Variants in BCO1 observed in about 807,000 individuals in gnomAD.
The protein encoded by BCO1 is beta,beta-carotene 15,15'-dioxygenase.
In BCO1, 54 loss-of-function variants were observed where a neutral mutation model predicts 56.3. The observed-to-expected ratio is 0.96, with a 90% CI of 0.77 to 1.20. The LOEUF (loss-of-function observed/expected upper bound fraction) is 1.20. BCO1 is among the 50% of genes most tolerant of loss of function. The pLI, the probability that BCO1 is intolerant of heterozygous loss-of-function variation, is 0.00. For missense variants in BCO1, 801 were observed against 690.9 expected (o/e 1.16, Z -1.79); for synonymous variants, 318 against 266.1 (o/e 1.20, Z -1.90).
chr16:81,290,655 G>A lies in BCO1; in HGVS notation c.*78G>A, dbSNP rs1347482195. The A allele has an allele frequency of 1.6e-6, 2 of 1,222,252 alleles. No individual in the cohort carries two copies. The highest frequency in any genetic ancestry group is 1.5e-5 in the African/African-American group (1 of 66,914). 75.7% of individuals were successfully genotyped at this position (1,222,252 alleles called of 1,614,324 possible). ...ATATGTTTCTTTGGATGGAGGGGAG[G>A]GCCTTTGTTACCTTTTGCACTTATT... On this transcript the variant is annotated 3_prime_UTR_variant, in exon 11 of 11. Coordinates refer to ENST00000258168, the MANE Select transcript of BCO1 (RefSeq NM_017429.3).
chr16:81,240,677 C>T (rs1356749523), intron 1 of BCO1, among the ~76,000 whole-genome samples: 1 of 151,674 alleles, frequency 6.6e-6, no homozygotes, highest in African/African-American at 2.4e-5. Flanking sequence ...TGCACTCTGG[C>T]CTTGGCAAGA....
rs375079645 is a variant in BCO1, at chr16:81,270,350, G to A, written c.1035G>A (p.Lys345=). 15 of 1,613,986 alleles carry A rather than the reference G, an allele frequency of 9.3e-6. No homozygotes were observed. The Admixed American group carries it at 1.2e-4, about 13-fold the overall frequency. Residue 345 remains lysine, a synonymous_variant, in exon 7 of 11, where the codon AAG becomes AAA. Coordinates refer to ENST00000258168, the MANE Select transcript of BCO1 (RefSeq NM_017429.3). ...FYLANLNQDF[K]ENSRLTSVPT... ...TGGCCAACCTGAACCAGGACTTCAA[G>A]GAGAACTCCAGGCTCACCTCGGTCC...
intron 3 of BCO1, 151 bp from the exon 4 acceptor site, chr16:81,261,985 A>G (rs1357335420): frequency 1.4e-5 from 12 of 867,800 alleles, no homozygotes; most frequent in East Asian, 1.3e-4. Flanking sequence ...CTCGTGATCC[A>G]CCTGCCTCGG....
intron 2 of BCO1, among the ~76,000 whole-genome samples, chr16:81,254,393 C>T (rs915975181): frequency 4.7e-5 from 7 of 148,468 alleles, no homozygotes; most frequent in Admixed American, 1.4e-4. Context: ...TCAGACGATC[C>T]GCCCATCTTG....
At chr16:81,275,915 C>T (rs1477931431) in intron 7 of BCO1, among the ~76,000 whole-genome samples, 1 of 142,276 alleles carries the variant, frequency 7.0e-6, no homozygotes, top group Non-Finnish European at 1.5e-5. Flanking sequence ...TTAGCAGTGG[C>T]GGGGTGTGGC....
chr16:81,262,556 G>C (rs1433235953), intron 4 of BCO1: 1 of 418,592 alleles, frequency 2.4e-6, no homozygotes, highest in African/African-American at 2.0e-5. Flanking sequence ...GGCTGGGTGT[G>C]GTGACCTACA....
intron 7 of BCO1, among the ~76,000 whole-genome samples, chr16:81,274,492 C>G (rs987094471): frequency 1.3e-5 from 2 of 152,122 alleles, no homozygotes; most frequent in Non-Finnish European, 2.9e-5. Flanking sequence ...TCTCGATCTT[C>G]TGACCTCGTG....
intron 8 of BCO1, among the ~76,000 whole-genome samples, chr16:81,285,295 A>G (rs1003087055): frequency 6.6e-6 from 1 of 152,346 alleles, no homozygotes; most frequent in South Asian, 2.1e-4. Flanking sequence ...AGATGTTTAT[A>G]CACTTAAAAC....
At chr16:81,266,897 C>T (rs1010927974) in intron 5 of BCO1, among the ~76,000 whole-genome samples, 4 of 152,212 alleles carry the variant, frequency 2.6e-5, no homozygotes, top group African/African-American at 9.7e-5. Flanking sequence ...TATCCCACAA[C>T]CCCACAGCAT....
At chr16:81,257,154 C>T (rs1906190627) in intron 2 of BCO1, among the ~76,000 whole-genome samples, 1 of 152,162 alleles carries the variant, frequency 6.6e-6, no homozygotes, top group Admixed American at 6.5e-5. Context: ...TTTCATGCAC[C>T]ACCTCCTCCC....
chr16:81,271,804 C>T (rs149304574), intron 7 of BCO1, among the ~76,000 whole-genome samples: 6,470 of 152,210 alleles, frequency 0.043, 207 homozygotes, highest in Admixed American at 0.076. Context: ...GGCTGGAGTG[C>T]AGTGGTGTAA....
Position 81,257,071 on chromosome 16 carries a change from C to T in BCO1, c.194-2605C>T, listed in dbSNP as rs556550603. Among the ~76,000 whole-genome samples, 9 of 152,154 alleles carry T rather than the reference C, an allele frequency of 5.9e-5. No homozygotes were observed. The South Asian group carries it at 6.2e-4, about 11-fold the overall frequency. ...AGGCCTTTGCTTACAGACCTCTTAG[C>T]GGGTGAACAGGACAGCTCTGCCCTC... On this transcript the variant is annotated intron_variant, in intron 2 of 10. Transcript: ENST00000258168.
At chr16:81,262,095 G>C in intron 3 of BCO1, 41 bp from the exon 4 acceptor site, 1 of 1,608,644 alleles carries the variant, frequency 6.2e-7, no homozygotes, top group Non-Finnish European at 8.5e-7. Context: ...CTGGCTGGGT[G>C]GACATAGCCA....
At chr16:81,261,304 C>G (rs577278335) in intron 3 of BCO1, among the ~76,000 whole-genome samples, 1 of 152,332 alleles carries the variant, frequency 6.6e-6, no homozygotes, top group East Asian at 1.9e-4. Context: ...ATAAACCCCT[C>G]TGGTTTTTCT....
At chr16:81,289,452 G>T (rs1908346852) in intron 10 of BCO1, among the ~76,000 whole-genome samples, 4 of 152,078 alleles carry the variant, frequency 2.6e-5, no homozygotes. Context: ...GACCAGCATG[G>T]GCGATATAGG....
intron 8 of BCO1, among the ~76,000 whole-genome samples, chr16:81,284,396 T>C (rs1451762188): frequency 6.6e-6 from 1 of 151,986 alleles, no homozygotes; most frequent in East Asian, 1.9e-4. Flanking sequence ...GATTCTATCA[T>C]AGAAAATGTA....
Position 81,290,944 on chromosome 16 carries a change from T to A in BCO1, c.*367T>A, listed in dbSNP as rs547773930. Reference sequence around the variant, plus strand: ...TAGAGAAGAGGCAGATAATTATTTATCATTGTGCCTTCCTCTGTCTCTTTC... The same window carrying A: ...TAGAGAAGAGGCAGATAATTATTTAACATTGTGCCTTCCTCTGTCTCTTTC... On this transcript the variant is annotated 3_prime_UTR_variant, in exon 11 of 11. Transcript: ENST00000258168. 15 of 197,962 alleles carry A rather than the reference T, an allele frequency of 7.6e-5. No homozygotes were observed. The East Asian group carries it at 8.5e-4, about 11-fold the overall frequency. 12.3% of individuals were successfully genotyped at this position (197,962 alleles called of 1,614,324 possible). A position where few individuals can be genotyped will look rare whatever the true frequency, so the allele number is the denominator to read the frequency against.
At chr16:81,278,064 CAG>C (rs1364655973) in intron 7 of BCO1, among the ~76,000 whole-genome samples, 1 of 151,932 alleles carries the variant, frequency 6.6e-6, no homozygotes, top group Non-Finnish European at 1.5e-5. Context: ...TTTTTTGAGA[CAG>C]AGTCTCGCTC....
chr16:81,282,472 G>A (rs1471501781), intron 8 of BCO1, among the ~76,000 whole-genome samples: 1 of 152,172 alleles, frequency 6.6e-6, no homozygotes, highest in Admixed American at 6.5e-5. Context: ...ATCTGGAAGA[G>A]CACATAGACT....
Sources: gnomAD v4.1 joint callset for allele counts (sites outside exome capture counted in the v4.1 genomes callset) on GRCh38, gnomAD v4.1.1 for gene constraint, MANE v1.5 for transcripts, NCBI Gene and HGNC (gene_info 2026-07-23, HGNC 2026-07-21) for gene names.